The following DVL3 variants were observed in gnomAD, a reference collection of about 807,000 sequenced individuals.
DVL3 encodes segment polarity protein dishevelled homolog DVL-3.
Under a neutral mutation model 67.4 loss-of-function variants are expected in DVL3, and 27 were observed. The ratio of observed to expected loss-of-function variants is 0.40; its 90% CI spans 0.30 to 0.55. The LOEUF is 0.55. Ranked by LOEUF, DVL3 falls within the 20% of genes least tolerant of loss-of-function variation. The pLI is 0.46. For synonymous variants in DVL3, 369 were observed against 396.8 expected (o/e 0.93, Z 0.83); for missense variants, 819 against 1,021.5 (o/e 0.80, Z 2.70).
chr3:184,158,079 A>C (rs1421825570), intron 1 of DVL3, among the ~76,000 whole-genome samples: 2 of 152,218 alleles, frequency 1.3e-5, no homozygotes, highest in African/African-American at 4.8e-5. Context: ...TCACACCTGT[A>C]ATCTCAGCAA....
chr3:184,164,714 G>C lies in DVL3; in HGVS notation c.464-82G>C. ...CGAGCTCAGGATATGCCTGGCCCCA[G>C]TGCAGCCCCTGGCTTGCCTCTCTCC... On this transcript the variant is annotated intron_variant, in intron 4 of 14. Transcript: ENST00000313143. The surrounding 1 kb of genome is among the most constrained non-coding windows in gnomAD (Gnocchi z 5.3). The C allele has an allele frequency of 6.3e-7, 1 of 1,599,832 alleles. No homozygotes were observed. The highest frequency in any genetic ancestry group is 8.5e-7 in the Non-Finnish European group (1 of 1,171,666).
chr3:184,164,654 T>G lies in DVL3; in HGVS notation c.463+53T>G. 6.4e-7 allele frequency: 1 copy of G among 1,551,576 alleles called. No individual in the cohort carries two copies. The highest frequency in any genetic ancestry group is 1.2e-5 in the South Asian group (1 of 81,158). On this transcript the variant is annotated intron_variant, in intron 4 of 14. Coordinates refer to ENST00000313143, the MANE Select transcript of DVL3 (RefSeq NM_004423.4). The surrounding 1 kb of genome is among the most constrained non-coding windows in gnomAD (Gnocchi z 5.3). ...CCGCACCTCACACCCTCCCCTCACT[T>G]TCCACCCAGCTACCCACCTTCTTGC...
chr3:184,171,011 C>CT lies in DVL3; in HGVS notation c.*260dup, dbSNP rs1714816962. On this transcript the variant is annotated 3_prime_UTR_variant, in exon 15 of 15. Coordinates refer to ENST00000313143, the MANE Select transcript of DVL3 (RefSeq NM_004423.4). The stretch of plus-strand genomic sequence containing the variant: ...CCCTGCGCAGGACTTCCCAGGACCC[C>CT]TTTTGTCTCTGGGACCAGACTTGTT... 1 of 1,442,142 alleles carries CT rather than the reference C, an allele frequency of 6.9e-7. No homozygotes were observed. Among genetic ancestry groups the CT allele is most frequent in the African/African-American group, 1.4e-5 (1 of 70,240 alleles). The allele number at this position is 1,442,142 out of a possible 1,614,324, so 89.3% of individuals were successfully genotyped here.
rs1341507676 is a variant in DVL3 at position 184,167,251 on chromosome 3, T to C, written c.1198+276T>C. ...AAACTTTACCAGGTTCCTGTGGGTT[T>C]AATGAGAGGATATAAGTGAAGCACC... On this transcript the variant is annotated intron_variant, in intron 11 of 14. Transcript: ENST00000313143. The surrounding 1 kb of genome is among the most constrained non-coding windows in gnomAD (Gnocchi z 4.6). 6.6e-6 allele frequency among the ~76,000 whole-genome samples: 1 copy of C among 152,186 alleles called. No homozygotes were observed. Among genetic ancestry groups the C allele is most frequent in the Middle Eastern group, 3.2e-3 (1 of 316 alleles).
chr3:184,172,281 C>G lies in DVL3; in HGVS notation c.*1526C>G, dbSNP rs1179801241. 6.6e-6 allele frequency: 1 copy of G among 152,210 alleles called. No homozygotes were observed. Among genetic ancestry groups the G allele is most frequent in the African/African-American group, 2.4e-5 (1 of 41,440 alleles). The allele number at this position is 152,210 out of a possible 1,614,324, so 9.4% of individuals were successfully genotyped here. On this transcript the variant is annotated 3_prime_UTR_variant, in exon 15 of 15. Transcript: ENST00000313143. ...TTTTCACCTTATTCTCTACTTTAAACAAATCATAACTTTCTCTTTAAGCCT... is the reference window on the plus strand; with the variant it reads ...TTTTCACCTTATTCTCTACTTTAAAGAAATCATAACTTTCTCTTTAAGCCT...
At chr3:184,169,006 T>A (rs1330664328) in intron 13 of DVL3, among the ~76,000 whole-genome samples, 1 of 152,110 alleles carries the variant, frequency 6.6e-6, no homozygotes, top group Non-Finnish European at 1.5e-5. Flanking sequence ...TGTTCTTTCC[T>A]TCTGGCCCCT....
intron 1 of DVL3, among the ~76,000 whole-genome samples, chr3:184,159,817 G>A (rs1252109670): frequency 6.6e-6 from 1 of 152,222 alleles, no homozygotes; most frequent in Non-Finnish European, 1.5e-5. Flanking sequence ...GAACAAGGCA[G>A]GCTCTGGGTC....
In DVL3 at chr3:184,166,112, A is replaced by C. The variant is rs1260088661; in HGVS notation, c.764-14A>C. 6.2e-7 allele frequency: 1 copy of C among 1,611,326 alleles called. No individual in the cohort carries two copies. The highest frequency in any genetic ancestry group is 8.5e-7 in the Non-Finnish European group (1 of 1,179,400). Reference sequence around the variant, plus strand: ...ACCTTGCTCCCCCTTAAGGTCTTAAATTACTCTCTATAGAAAAATATAACT... The same window carrying C: ...ACCTTGCTCCCCCTTAAGGTCTTAACTTACTCTCTATAGAAAAATATAACT... On this transcript the variant is annotated splice_polypyrimidine_tract_variant and intron_variant, in intron 7 of 14. Coordinates refer to ENST00000313143, the MANE Select transcript of DVL3 (RefSeq NM_004423.4). This position sits in a 1 kb window ranked among gnomAD's most constrained non-coding sequence, Gnocchi z 6.7.
rs1480485902 is a variant in DVL3, at chr3:184,159,246, C to T, written c.161+3450C>T. On this transcript the variant is annotated intron_variant, in intron 1 of 14. Transcript: ENST00000313143. ...GCTGTGTGGCTTCCTGCTCCACTGT[C>T]CTCCCTCTGGGCCTTCCACCTGCAG... Among the ~76,000 whole-genome samples, 4 of 105,812 alleles carry T rather than the reference C, an allele frequency of 3.8e-5. 2 individuals carry two copies. The highest frequency in any genetic ancestry group is 1.5e-4 in the African/African-American group (4 of 27,500). 69.4% of individuals were successfully genotyped at this position (105,812 alleles called of 152,430 possible). A position where few individuals can be genotyped will look rare whatever the true frequency, so the allele number is the denominator to read the frequency against.
intron 1 of DVL3, among the ~76,000 whole-genome samples, chr3:184,162,114 A>G (rs1256277080): frequency 6.6e-6 from 1 of 152,082 alleles, no homozygotes; most frequent in Admixed American, 6.5e-5. Flanking sequence ...ATGAAATTAT[A>G]TAAGTAAAGT....
In DVL3 at chr3:184,164,283, G is replaced by A; in HGVS notation, c.248G>A (p.Gly83Asp). Residue 83 changes from glycine to aspartate, a missense_variant, in exon 3 of 15, where the codon GGC (glycine) becomes GAC (aspartate). Around this residue, in one of 3 missense-constraint regions of DVL3, gnomAD observed 385 missense variants for 486.8 expected, o/e 0.79. Coordinates refer to ENST00000313143, the MANE Select transcript of DVL3 (RefSeq NM_004423.4). The surrounding 1 kb of genome is among the most constrained non-coding windows in gnomAD (Gnocchi z 5.3). ...CCCTTTCAGCTGGTGTCAGCTGAGG[G>A]CTCACACCCAGACCCAGCCCCCTTC... ...RVVSWLVSAE[G>D]SHPDPAPFCA... 1 of 1,614,040 alleles carries A rather than the reference G, an allele frequency of 6.2e-7. No individual in the cohort carries two copies. Among genetic ancestry groups the A allele is most frequent in the Non-Finnish European group, 8.5e-7 (1 of 1,179,974 alleles).
Position 184,166,766 on chromosome 3 carries a change from TC to T in DVL3, c.1049-58del. The T allele has an allele frequency of 6.2e-7, 1 of 1,613,368 alleles. No individual in the cohort carries two copies. The highest frequency in any genetic ancestry group is 8.5e-7 in the Non-Finnish European group (1 of 1,179,504). On this transcript the variant is annotated intron_variant, in intron 10 of 14. Transcript: ENST00000313143. The surrounding 1 kb of genome is among the most constrained non-coding windows in gnomAD (Gnocchi z 6.7). ...CTCTCACCCAGAACCCCCATATCTA[TC>T]CTGTTGGGCCCAGCAGTGGGTGGGG...
chr3:184,171,275 C>T lies in DVL3; in HGVS notation c.*520C>T, dbSNP rs941741202. ...TGCTTCATCTGCCCCTACTAACCAT[C>T]CCCCTGCCTGCTGCCTCAGTCCTGC... On this transcript the variant is annotated 3_prime_UTR_variant, in exon 15 of 15. Coordinates refer to ENST00000313143, the MANE Select transcript of DVL3 (RefSeq NM_004423.4). The T allele has an allele frequency of 1.9e-6, 2 of 1,038,716 alleles. No homozygotes were observed. Among genetic ancestry groups the T allele is most frequent in the South Asian group, 6.3e-5 (2 of 31,630 alleles). 64.3% of individuals were successfully genotyped at this position (1,038,716 alleles called of 1,614,324 possible).
rs180815441 is a variant in DVL3, at chr3:184,170,152, C to T, written c.1645C>T (p.Pro549Ser). 9.1e-5 allele frequency: 147 copies of T among 1,613,682 alleles called. No homozygotes were observed. The highest frequency in any genetic ancestry group is 1.2e-4 in the Non-Finnish European group (143 of 1,179,960). The change falls in exon 14 of 15, where the codon CCG (proline) becomes TCG (serine). Residue 549 changes from proline (P) to serine (S), a missense_variant. Physicochemically the swap from Pro to Ser is moderately conservative, Grantham distance 74 (BLOSUM62 -1). Around this residue, in one of 3 missense-constraint regions of DVL3, gnomAD observed 324 missense variants for 331.3 expected, o/e 0.98. Coordinates refer to ENST00000313143, the MANE Select transcript of DVL3 (RefSeq NM_004423.4). This position sits in a 1 kb window ranked among gnomAD's most constrained non-coding sequence, Gnocchi z 6.5. Reference sequence around the variant, plus strand: ...CCCGCCACCCCCGCACCCATACAACCCGCACCCGGGCTTCCCGGAGCTGGG... The same window carrying T: ...CCCGCCACCCCCGCACCCATACAACTCGCACCCGGGCTTCCCGGAGCTGGG... ...QYPPPPHPYN[P>S]HPGFPELGYS...
At position 184,171,365 on chromosome 3, in the gene DVL3, G is replaced by A. The variant is rs1714831186; in HGVS notation, c.*610G>A. 1 of 1,000,012 alleles carries A rather than the reference G, an allele frequency of 1.0e-6. No homozygotes were observed. The highest frequency in any genetic ancestry group is 1.2e-6 in the Non-Finnish European group (1 of 839,982). The allele number at this position is 1,000,012 out of a possible 1,614,324, so 61.9% of individuals were successfully genotyped here. A position where few individuals can be genotyped will look rare whatever the true frequency, so the allele number is the denominator to read the frequency against. On this transcript the variant is annotated 3_prime_UTR_variant, in exon 15 of 15. Coordinates refer to ENST00000313143, the MANE Select transcript of DVL3 (RefSeq NM_004423.4). ...ATCCCTGCCTGTGCCTAGATCAGAG[G>A]CCCAGAGGGCCCCCTCAGTTGCCTG...
At position 184,171,617 on chromosome 3, in the gene DVL3, CCCA is replaced by C. The variant is rs1289463574; in HGVS notation, c.*863_*865del. On this transcript the variant is annotated 3_prime_UTR_variant, in exon 15 of 15. Transcript: ENST00000313143. ...TCTGTGAGCCCCCAGCGAGGGGAGGCCCAGCCTCCGAGGAGACCAGGAACCCTG... is the reference window on the plus strand; with the variant it reads ...TCTGTGAGCCCCCAGCGAGGGGAGGCGCCTCCGAGGAGACCAGGAACCCTG... 3 of 985,560 alleles carry C rather than the reference CCCA, an allele frequency of 3.0e-6. No individual in the cohort carries two copies. The African/African-American group carries it at 5.2e-5, about 17-fold the overall frequency. 61.1% of individuals were successfully genotyped at this position (985,560 alleles called of 1,614,324 possible). A position where few individuals can be genotyped will look rare whatever the true frequency, so the allele number is the denominator to read the frequency against.
In DVL3 at chr3:184,164,577, C is replaced by T. The variant is rs775378980; in HGVS notation, c.439C>T (p.Arg147Cys). 4 of 1,562,804 alleles carry T rather than the reference C, an allele frequency of 2.6e-6. No individual in the cohort carries two copies. Among genetic ancestry groups the T allele is most frequent in the East Asian group, 2.3e-5 (1 of 44,436 alleles). ...GGTGTCTGCCCAGCGAGAGCGGCCA[C>T]GCCGGAGGGATGGCCCAGAGCATGG... Reference protein sequence around the residue: ...SLVSAQRERPRRRDGPEHATR... With the variant: ...SLVSAQRERPCRRDGPEHATR... The change falls in exon 4 of 15, where the codon CGC becomes TGC. Residue 147 changes from arginine (R) to cysteine (C), a missense_variant. Transcript: ENST00000313143. The surrounding 1 kb of genome is among the most constrained non-coding windows in gnomAD (Gnocchi z 5.3).
rs201369287 is a variant in DVL3, at chr3:184,167,043, T to C, written c.1198+68T>C. ...AGGTGGGGGGACTGATGAGGGTCCA[T>C]GTGGAGACTCTTGCTTGAGCATCAG... On this transcript the variant is annotated intron_variant, in intron 11 of 14. Coordinates refer to ENST00000313143, the MANE Select transcript of DVL3 (RefSeq NM_004423.4). This position sits in a 1 kb window ranked among gnomAD's most constrained non-coding sequence, Gnocchi z 4.6. 6.4e-7 allele frequency: 1 copy of C among 1,560,160 alleles called. No individual in the cohort carries two copies. The highest frequency in any genetic ancestry group is 8.7e-7 in the Non-Finnish European group (1 of 1,143,806).
Position 184,166,385 on chromosome 3 carries a change from T to C in DVL3, c.904-61T>C. On this transcript the variant is annotated intron_variant, in intron 8 of 14. Transcript: ENST00000313143. This position sits in a 1 kb window ranked among gnomAD's most constrained non-coding sequence, Gnocchi z 6.7. ...GGGGAAGACTCCCTGACCTACCAAG[T>C]TGAGTTCCCTTTTCATCCTCCCCAG... is the stretch of plus-strand genomic sequence containing the variant. 6 of 1,611,868 alleles carry C rather than the reference T, an allele frequency of 3.7e-6. No homozygotes were observed. The South Asian group carries it at 5.5e-5, about 15-fold the overall frequency.
Sources: allele counts gnomAD v4.1 joint callset (sites outside exome capture counted in the v4.1 genomes callset), GRCh38; gene constraint gnomAD v4.1.1; regional missense constraint gnomAD v4.1.1; non-coding constraint Gnocchi (gnomAD v3.1); transcripts MANE v1.5; gene names NCBI Gene and HGNC (gene_info 2026-07-23, HGNC 2026-07-21).